Variants in IFI16 observed in about 807,000 individuals in gnomAD.
IFI16 encodes gamma-interferon-inducible protein 16.
In IFI16, 49 loss-of-function variants were observed where a neutral mutation model predicts 68.4. The observed-to-expected ratio is 0.72, with a 90% CI of 0.57 to 0.91. The LOEUF (loss-of-function observed/expected upper bound fraction) is 0.91. Among genes scored for constraint, IFI16 ranks in the 40% least tolerant of loss-of-function variants. The pLI is 0.00. For synonymous variants in IFI16, 307 were observed against 315.0 expected (o/e 0.97, Z 0.27); for missense variants, 878 against 942.9 (o/e 0.93, Z 0.90).
intron 2 of IFI16, 199 bp from the exon 3 acceptor site, chr1:159,015,673 A>C (rs531559580): frequency 3.6e-6 from 2 of 549,740 alleles, no homozygotes; most frequent in Non-Finnish European, 6.5e-6. Flanking sequence ...AGCATGAGTC[A>C]GTGCTTGTTC....
intron 7 of IFI16, among the ~76,000 whole-genome samples, chr1:159,042,972 AT>A (rs1654756316): frequency 1.3e-5 from 2 of 152,154 alleles, no homozygotes; most frequent in South Asian, 4.1e-4. Context: ...GAACACTAAG[AT>A]TTACATTATT....
rs201252088 is a variant in IFI16 at position 159,051,822 on chromosome 1, A to G, written c.1809A>G (p.Thr603=). The change falls in exon 10 of 12, where the codon ACA becomes ACG. Residue 603 remains threonine (T), a synonymous_variant. Coordinates refer to ENST00000295809, the MANE Select transcript of IFI16 (RefSeq NM_001376587.1). ...AGCAGAAGAAAATGTTTCATGCCAC[A>G]GTGGCAACTGAGAATGAAGTCTTCC... ...PKEQKKMFHA[T]VATENEVFRV... 6.2e-7 allele frequency: 1 copy of G among 1,614,184 alleles called. No individual in the cohort carries two copies. Among genetic ancestry groups the G allele is most frequent in the East Asian group, 2.2e-5 (1 of 44,884 alleles).
intron 7 of IFI16, among the ~76,000 whole-genome samples, chr1:159,043,565 C>G (rs1444672617): frequency 1.3e-5 from 2 of 152,146 alleles, no homozygotes; most frequent in Non-Finnish European, 2.9e-5. Context: ...GCAACGTAAG[C>G]CGGGAATCCT....
rs3768511 is a variant in IFI16 at position 159,042,512 on chromosome 1, G to A, written c.1330-2785G>A. ...ATGCTCTTAACCACATCGGGGGTTT[G>A]GATACTTCTTTTGATGTCAATTTTT... On this transcript the variant is annotated intron_variant, in intron 7 of 11. Coordinates refer to ENST00000295809, the MANE Select transcript of IFI16 (RefSeq NM_001376587.1). 3.9e-4 allele frequency among the ~76,000 whole-genome samples: 59 copies of A among 152,176 alleles called. 2 individuals carry two copies. The East Asian group carries it at 6.6e-3, about 17-fold the overall frequency.
At chr1:159,016,072 G>A (rs748545186) in intron 3 of IFI16, 85 bp downstream of exon 3, 270 of 812,506 alleles carry the variant, frequency 3.3e-4, no homozygotes, top group Non-Finnish European at 3.3e-4. Flanking sequence ...CCAGCAGGCA[G>A]TTATTTCTTC....
At chr1:159,053,841 T>A (rs1655512641) in intron 11 of IFI16, 117 bp downstream of exon 11, 2 of 719,860 alleles carry the variant, frequency 2.8e-6, no homozygotes, top group African/African-American at 3.6e-5. Flanking sequence ...GAACAAAGCC[T>A]TGCACTTTAC....
At chr1:159,022,357 C>T (rs1203698732) in intron 6 of IFI16, among the ~76,000 whole-genome samples, 1 of 152,186 alleles carries the variant, frequency 6.6e-6, no homozygotes, top group African/African-American at 2.4e-5. Flanking sequence ...TTAATTTTTT[C>T]AGCAAGGCCA....
At chr1:159,053,964 G>A (rs988430320) in intron 11 of IFI16, among the ~76,000 whole-genome samples, 2 of 152,164 alleles carry the variant, frequency 1.3e-5, no homozygotes, top group African/African-American at 4.8e-5. Flanking sequence ...GAAAGAATTG[G>A]TTGCTTTTAC....
intron 5 of IFI16, among the ~76,000 whole-genome samples, chr1:159,019,390 C>T (rs1402121452): frequency 1.3e-5 from 2 of 152,100 alleles, no homozygotes; most frequent in Non-Finnish European, 2.9e-5. Flanking sequence ...AGCAATTTAT[C>T]TGATCAATAC....
rs1045597538 is a variant in IFI16, at chr1:159,020,325, T to G, written c.973-16T>G. ...AATTACATTCTCAGGAACAGAATAT[T>G]AATTTTCTGTTACAGAAAACAGTAA... On this transcript the variant is annotated splice_polypyrimidine_tract_variant and intron_variant, in intron 5 of 11. Transcript: ENST00000295809. The G allele has an allele frequency of 2.5e-6, 4 of 1,574,036 alleles. No individual in the cohort carries two copies. Among genetic ancestry groups the G allele is most frequent in the Non-Finnish European group, 1.7e-6 (2 of 1,149,670 alleles).
Position 159,016,625 on chromosome 1 carries a change from C to T in IFI16, c.474C>T (p.Gly158=). The change falls in exon 4 of 12, where the codon GGC becomes GGT. Residue 158 remains glycine, a synonymous_variant. Coordinates refer to ENST00000295809, the MANE Select transcript of IFI16 (RefSeq NM_001376587.1). ...QTQPPSPAGA[G]MSTAMGRSPS... ...AGCCTCCCTCTCCTGCAGGAGCCGG[C>T]ATGTCCACAGCCATGGGCCGTTCCC... is the stretch of plus-strand genomic sequence containing the variant. 6.2e-7 allele frequency: 1 copy of T among 1,614,110 alleles called. No homozygotes were observed. Among genetic ancestry groups the T allele is most frequent in the Non-Finnish European group, 8.5e-7 (1 of 1,179,956 alleles).
At chr1:159,001,288 T>C (rs773944184), upstream of IFI16, among the ~76,000 whole-genome samples, 3 of 152,170 alleles carry the variant, frequency 2.0e-5, no homozygotes, top group Non-Finnish European at 2.9e-5. Flanking sequence ...AGTAGCAACC[T>C]ATATGGTAGA....
chr1:159,053,779 C>T, intron 11 of IFI16, 55 bp downstream of exon 11: 1 of 1,384,362 alleles, frequency 7.2e-7, no homozygotes, highest in Non-Finnish European at 1.0e-6. Flanking sequence ...TTTGTTTATA[C>T]TTTAAGAAGA....
intron 1 of IFI16, among the ~76,000 whole-genome samples, chr1:159,000,656 C>A (rs1362988606): frequency 6.6e-6 from 1 of 152,176 alleles, no homozygotes; most frequent in Admixed American, 6.5e-5. Context: ...AATTTTTTGA[C>A]ATGTATACAG....
chr1:159,054,559 C>G (rs997292477), intron 11 of IFI16, among the ~76,000 whole-genome samples: 3 of 152,184 alleles, frequency 2.0e-5, no homozygotes, highest in Admixed American at 6.5e-5. Context: ...TCCTGTTGTT[C>G]CCTGACATCT....
upstream of IFI16, among the ~76,000 whole-genome samples, chr1:159,007,441 T>A (rs1652299834): frequency 6.6e-6 from 1 of 152,172 alleles, no homozygotes; most frequent in Admixed American, 6.5e-5. Context: ...ATCAAGGAAG[T>A]AATTTTGCTT....
chr1:159,030,189 C>T (rs1653919592), intron 6 of IFI16, among the ~76,000 whole-genome samples: 1 of 151,856 alleles, frequency 6.6e-6, no homozygotes, highest in South Asian at 2.1e-4. Context: ...GGAGATTTTT[C>T]CATCCATATC....
intron 9 of IFI16, among the ~76,000 whole-genome samples, chr1:159,050,508 C>T (rs1208793300): frequency 1.3e-5 from 2 of 152,132 alleles, no homozygotes; most frequent in Admixed American, 1.3e-4. Context: ...TTGATGAGTT[C>T]ATTAGAGTTA....
intron 10 of IFI16, 160 bp from the exon 11 acceptor site, chr1:159,053,373 A>C (rs1655476876): frequency 2.2e-6 from 1 of 449,932 alleles, no homozygotes; most frequent in African/African-American, 2.0e-5. Flanking sequence ...GGCAGGATTC[A>C]AAGACCAAGT....
Sources: allele counts gnomAD v4.1 joint callset (sites outside exome capture counted in the v4.1 genomes callset), GRCh38; gene constraint gnomAD v4.1.1; transcripts MANE v1.5; gene names NCBI Gene and HGNC (gene_info 2026-07-23, HGNC 2026-07-21).